QSOX1: variants seen among roughly 807,000 people sequenced by gnomAD.
QSOX1 encodes the protein quiescin sulfhydryl oxidase 1.
Under a neutral mutation model 76.1 loss-of-function variants are expected in QSOX1, and 40 were observed. That is an observed-to-expected ratio of 0.53 (90% CI 0.41 to 0.68). The LOEUF (loss-of-function observed/expected upper bound fraction) is 0.68, where lower values mean the gene tolerates loss of function less well. QSOX1 is among the 30% of genes least tolerant of loss of function. The probability of loss-of-function intolerance (pLI) is 0.00; values close to 1 mark genes in which losing one functional copy is unlikely to be tolerated. For synonymous variants in QSOX1, 392 were observed against 413.1 expected, an observed-to-expected ratio of 0.95 and a Z score of 0.62; for missense variants, 931 against 974.3, an observed-to-expected ratio of 0.96 and a Z score of 0.59.
chr1:180,184,093 G>C (rs370460219), intron 7 of QSOX1, 43 bp downstream of exon 7: 7 of 1,604,638 alleles, frequency 4.4e-6, no homozygotes, highest in East Asian at 2.2e-5. Flanking sequence ...TCCTTCCTCT[G>C]ATCACAGACC....
chr1:180,175,840 G>T (rs1199097746), intron 3 of QSOX1, 91 bp from the exon 4 acceptor site: 14 of 1,012,292 alleles, frequency 1.4e-5, no homozygotes, highest in Non-Finnish European at 2.0e-5. Flanking sequence ...TGTGCCCTCG[G>T]CCCTTTGTTT....
At chr1:180,170,128 G>C (rs987318784) in intron 2 of QSOX1, among the ~76,000 whole-genome samples, 1 of 152,210 alleles carries the variant, frequency 6.6e-6, no homozygotes. Context: ...AGAAATGGCA[G>C]GTCCTTGAAT....
At chr1:180,181,955 C>G (rs994551301) in intron 5 of QSOX1, among the ~76,000 whole-genome samples, 1 of 152,252 alleles carries the variant, frequency 6.6e-6, no homozygotes, top group Admixed American at 6.5e-5. Flanking sequence ...GCTCCAAGGC[C>G]TCTCCTCCTG....
rs532504743 is a variant in QSOX1 at position 180,187,205 on chromosome 1, A to G, written c.1017+1023A>G. ...CTTGGTCACATGAATGCGTGGTGAC[A>G]CTGAGAGGGCCTGACAGGGACATTT... is the stretch of plus-strand genomic sequence containing the variant. On this transcript the variant is annotated intron_variant, in intron 8 of 11. Transcript: ENST00000367602. Among the ~76,000 whole-genome samples the G allele has an allele frequency of 2.8e-4, 42 of 152,324 alleles. 1 individual carries two copies. Among genetic ancestry groups the G allele is most frequent in the African/African-American group, 9.6e-4 (40 of 41,572 alleles).
In QSOX1 at chr1:180,196,271, G is replaced by A; in HGVS notation, c.1478G>A (p.Ser493Asn). ...RVNARLAGAP[S>N]EDPQFPKVQW... ...ATGCTTCCCTCTGTAGGTGCCCCCA[G>A]CGAGGACCCCCAGTTCCCCAAGGTG... Residue 493 changes from serine to asparagine, a missense_variant, in exon 12 of 12, where the codon AGC becomes AAC. By Grantham distance (46) the Ser-to-Asn change is conservative. Transcript: ENST00000367602. The surrounding 1 kb of genome is among the most constrained non-coding windows in gnomAD (Gnocchi z 4.1). 1.2e-6 allele frequency: 2 copies of A among 1,610,822 alleles called. No homozygotes were observed. The highest frequency in any genetic ancestry group is 1.7e-6 in the Non-Finnish European group (2 of 1,177,466).
chr1:180,176,079 C>A (rs1467052842), intron 4 of QSOX1, 46 bp downstream of exon 4: 5 of 1,474,270 alleles, frequency 3.4e-6, no homozygotes, highest in Non-Finnish European at 4.6e-6. Flanking sequence ...GCCAGGATCC[C>A]AGGCCTGGGA....
intron 4 of QSOX1, among the ~76,000 whole-genome samples, chr1:180,177,345 C>T (rs1662924961): frequency 6.6e-6 from 1 of 151,456 alleles, no homozygotes; most frequent in South Asian, 2.1e-4. Flanking sequence ...CCTCCACCTC[C>T]TGGGTTCAAG....
rs932259439 is a variant in QSOX1, at chr1:180,202,650, A to G, written c.*5613A>G. 1 of 142,146 alleles carries G rather than the reference A, an allele frequency of 7.0e-6. No individual in the cohort carries two copies. The highest frequency in any genetic ancestry group is 1.5e-5 in the Non-Finnish European group (1 of 66,100). The allele number at this position is 142,146 out of a possible 1,614,324, so 8.8% of individuals were successfully genotyped here. ...ACCTTCATACCATATACCAAAATACATCTCAGTAGATTAGTAAGCTAATGC... is the reference window on the plus strand; with the variant it reads ...ACCTTCATACCATATACCAAAATACGTCTCAGTAGATTAGTAAGCTAATGC... On this transcript the variant is annotated 3_prime_UTR_variant, in exon 12 of 12. Transcript: ENST00000367602.
chr1:180,169,921 G>A (rs1227437245), intron 2 of QSOX1, among the ~76,000 whole-genome samples: 2 of 152,252 alleles, frequency 1.3e-5, no homozygotes, highest in Admixed American at 6.5e-5. Flanking sequence ...TGTAGGAGGG[G>A]ACTTCTACTT....
chr1:180,169,555 T>A (rs1352605147), intron 2 of QSOX1, among the ~76,000 whole-genome samples: 1 of 152,190 alleles, frequency 6.6e-6, no homozygotes, highest in Non-Finnish European at 1.5e-5. Context: ...CGTTGCCAAG[T>A]GTGAAGTGAG....
intron 2 of QSOX1, among the ~76,000 whole-genome samples, chr1:180,175,113 C>T (rs544123911): frequency 3.6e-4 from 54 of 150,364 alleles, no homozygotes; most frequent in African/African-American, 9.0e-4. Context: ...GCCGAGATCG[C>T]GCCACTGCAC....
chr1:180,167,253 C>T (rs1662651519), intron 2 of QSOX1, among the ~76,000 whole-genome samples: 1 of 152,236 alleles, frequency 6.6e-6, no homozygotes, highest in African/African-American at 2.4e-5. Context: ...GGGCTCAGGC[C>T]TGGCTCCAAT....
At chr1:180,159,399 C>A (rs1301197936) in intron 1 of QSOX1, among the ~76,000 whole-genome samples, 1 of 152,218 alleles carries the variant, frequency 6.6e-6, no homozygotes, top group African/African-American at 2.4e-5. Flanking sequence ...AACAATGGAG[C>A]ACTCACATAA....
rs1015045128 is a variant in QSOX1, at chr1:180,171,968, G to T, written c.367-3353G>T. Among the ~76,000 whole-genome samples, 9 of 152,210 alleles carry T rather than the reference G, an allele frequency of 5.9e-5. 1 individual carries two copies. The South Asian group carries it at 1.4e-3, about 25-fold the overall frequency. On this transcript the variant is annotated intron_variant, in intron 2 of 11. Coordinates refer to ENST00000367602, the MANE Select transcript of QSOX1 (RefSeq NM_002826.5). ...GCCAGGAGGGCGGGGAGAGATCACT[G>T]GAGTGGCTGAAGAGAAGGTCACCAA...
rs774514204 is a variant in QSOX1 at position 180,175,379 on chromosome 1, C to T, written c.412+13C>T. 28 of 1,613,002 alleles carry T rather than the reference C, an allele frequency of 1.7e-5. No homozygotes were observed. The highest frequency in any genetic ancestry group is 2.3e-5 in the Non-Finnish European group (27 of 1,179,326). ...GCAGTATTTCCAGGTGGGTGCCCAG[C>T]TCTGGTTGTCCTGTTAGCATCTTCC... On this transcript the variant is annotated intron_variant, in intron 3 of 11. Coordinates refer to ENST00000367602, the MANE Select transcript of QSOX1 (RefSeq NM_002826.5).
intron 1 of QSOX1, among the ~76,000 whole-genome samples, chr1:180,158,245 A>C (rs3767191): frequency 0.75 from 114,560 of 152,138 alleles, 43,502 homozygotes; most frequent in Admixed American, 0.8. Context: ...AGGTGGAAAA[A>C]CAGCATGTGC....
intron 5 of QSOX1, 40 bp downstream of exon 5, chr1:180,178,924 A>G (rs2149237119): frequency 6.4e-7 from 1 of 1,553,106 alleles, no homozygotes. Flanking sequence ...TTGGATAGCC[A>G]TGGAGAGAGA....
At chr1:180,167,696 C>A (rs1662666015) in intron 2 of QSOX1, among the ~76,000 whole-genome samples, 1 of 152,226 alleles carries the variant, frequency 6.6e-6, no homozygotes, top group African/African-American at 2.4e-5. Flanking sequence ...GCCCCCCAGG[C>A]CCCAGGTTTA....
intron 4 of QSOX1, among the ~76,000 whole-genome samples, chr1:180,176,850 C>G (rs1662907240): frequency 1.3e-5 from 2 of 152,228 alleles, no homozygotes; most frequent in Admixed American, 6.5e-5. Flanking sequence ...CACAAGGCCG[C>G]TGTTGGTGCG....
Sources: gnomAD v4.1 joint callset for allele counts (sites outside exome capture counted in the v4.1 genomes callset) on GRCh38, gnomAD v4.1.1 for gene constraint, Gnocchi (gnomAD v3.1) non-coding constraint, MANE v1.5 for transcripts, NCBI Gene and HGNC (gene_info 2026-07-23, HGNC 2026-07-21) for gene names.